Variants in MMS19 observed in about 807,000 individuals in gnomAD.
MMS19 encodes MMS19 nucleotide excision repair protein homolog.
In MMS19, 77 loss-of-function variants were observed where a neutral mutation model predicts 129.8. The ratio of observed to expected loss-of-function variants is 0.59; its 90% CI spans 0.49 to 0.72. MMS19 has a LOEUF of 0.72. Ranked by LOEUF, MMS19 falls within the 30% of genes least tolerant of loss-of-function variation. The pLI is 0.00. For missense variants in MMS19, 1,168 were observed against 1,266.3 expected (o/e 0.92, Z 1.18); for synonymous variants, 491 against 502.8 (o/e 0.98, Z 0.31).
chr10:97,493,099 C>CCT (rs1055632209), intron 1 of MMS19, among the ~76,000 whole-genome samples: 1 of 151,876 alleles, frequency 6.6e-6, no homozygotes, highest in African/African-American at 2.4e-5. Context: ...GTAACCTCTC[C>CCT]CTCCAGGGTT....
chr10:97,462,793 A>G, intron 19 of MMS19, 111 bp from the exon 20 acceptor site: 1 of 793,242 alleles, frequency 1.3e-6, no homozygotes, highest in Admixed American at 2.1e-5. Flanking sequence ...TAGCCACGAC[A>G]GCAGTTCTTA....
chr10:97,465,748 T>TA, intron 18 of MMS19, 57 bp downstream of exon 18: 1 of 1,536,804 alleles, frequency 6.5e-7, no homozygotes, highest in Admixed American at 1.8e-5. Flanking sequence ...ACCACTGCCT[T>TA]AGAGACTACA....
At chr10:97,462,953 C>A in intron 19 of MMS19, 1 of 362,640 alleles carries the variant, frequency 2.8e-6, no homozygotes, top group African/African-American at 2.1e-5. Context: ...GATGAACATT[C>A]TTAACATAAG....
chr10:97,477,008 A>G lies in MMS19; in HGVS notation c.494-45T>C, dbSNP rs768703337. 6.2e-6 allele frequency: 10 copies of G among 1,610,968 alleles called. No homozygotes were observed. In the African/African-American group the frequency reaches 1.2e-4, roughly 19 times the overall value. On this transcript the variant is annotated intron_variant, in intron 6 of 30. Coordinates refer to ENST00000438925, the MANE Select transcript of MMS19 (RefSeq NM_022362.5). ...GTTACTATACTGTCCCACAGCACAG[A>G]AAGTGTGGGCTTTCTCCTAGCCTGT...
At position 97,458,395 on chromosome 10, in the gene MMS19, A is replaced by T. The variant is rs965949437; in HGVS notation, c.*297T>A. The T allele has an allele frequency of 5.0e-6, 2 of 400,336 alleles. No individual in the cohort carries two copies. The highest frequency in any genetic ancestry group is 9.0e-6 in the Non-Finnish European group (2 of 222,990). The allele number at this position is 400,336 out of a possible 1,614,324, so 24.8% of individuals were successfully genotyped here. A position where few individuals can be genotyped will look rare whatever the true frequency, so the allele number is the denominator to read the frequency against. ...AGCCCTGGTCCTCAGGGCCACACTC[A>T]TATGCACTCACCCCTCAGCAGCATA... On this transcript the variant is annotated 3_prime_UTR_variant, in exon 31 of 31. Transcript: ENST00000438925.
intron 18 of MMS19, 107 bp from the exon 19 acceptor site, chr10:97,464,120 A>C (rs544013922): frequency 1.3e-5 from 13 of 1,002,864 alleles, no homozygotes; most frequent in Non-Finnish European, 1.9e-5. Flanking sequence ...GAAGGGACCA[A>C]GAGTGCCTTA....
chr10:97,480,746 T>C, intron 3 of MMS19, 196 bp downstream of exon 3: 1 of 577,976 alleles, frequency 1.7e-6, no homozygotes. Flanking sequence ...GCTAACGTTT[T>C]ATATTGAAAT....
rs753694591 is a variant in MMS19 at position 97,476,846 on chromosome 10, T to A, written c.611A>T (p.Asp204Val). 3 of 1,613,988 alleles carry A rather than the reference T, an allele frequency of 1.9e-6. No homozygotes were observed. Among genetic ancestry groups the A allele is most frequent in the Non-Finnish European group, 2.5e-6 (3 of 1,179,876 alleles). The change falls in exon 7 of 31, where the codon GAC becomes GTC. Residue 204 changes from aspartate (D) to valine (V), a missense_variant. Physicochemically the swap from Asp to Val is radical, Grantham distance 152. Coordinates refer to ENST00000438925, the MANE Select transcript of MMS19 (RefSeq NM_022362.5). ...FRIVHDLISR[D>V]YSLGPFVEEL... ...CTACCACGATATACCCAGGCTATAG[T>A]CCCTGGAGATGAGGTCATGGACGAT...
upstream of MMS19, chr10:97,498,446 A>G: frequency 6.5e-7 from 1 of 1,537,658 alleles, no homozygotes. Flanking sequence ...CTCTCCGCGC[A>G]TGCGCCTCCC....
At chr10:97,474,389 T>TA (rs1009097365) in intron 8 of MMS19, among the ~76,000 whole-genome samples, 11 of 148,420 alleles carry the variant, frequency 7.4e-5, no homozygotes, top group East Asian at 3.9e-4. Flanking sequence ...CTAAAAAATA[T>TA]AAAAAAAAAA....
Position 97,460,700 on chromosome 10 carries a change from C to A in MMS19, c.2464G>T (p.Ala822Ser). 6.3e-7 allele frequency: 1 copy of A among 1,594,038 alleles called. No individual in the cohort carries two copies. Among genetic ancestry groups the A allele is most frequent in the East Asian group, 2.3e-5 (1 of 44,286 alleles). ...RYHPLSSCLT[A>S]RLMGLLSDPE... is the part of the protein sequence containing the mutation. ...TGTCTCCAGAAAGGACGTACCCGGG[C>A]TGTAAGGCAGGAGCTGAGAGGATGG... The change falls in exon 25 of 31, where the codon GCC (alanine) becomes TCC (serine). Residue 822 changes from alanine (A) to serine (S), a missense_variant. Transcript: ENST00000438925.
At chr10:97,481,321 T>C (rs1330014938) in intron 2 of MMS19, among the ~76,000 whole-genome samples, 1 of 152,002 alleles carries the variant, frequency 6.6e-6, no homozygotes, top group Non-Finnish European at 1.5e-5. Context: ...GGTACCCCAG[T>C]TTGGCACCTA....
intron 9 of MMS19, 102 bp from the exon 10 acceptor site, chr10:97,470,305 A>T: frequency 2.5e-6 from 2 of 799,832 alleles, no homozygotes; most frequent in Non-Finnish European, 4.3e-6. Context: ...CAGGTACTAC[A>T]TCAAGGAGCT....
rs147152688 is a variant in MMS19 at position 97,461,719 on chromosome 10, A to T, written c.2185-97T>A. The T allele has an allele frequency of 1.2e-4, 190 of 1,544,508 alleles. No individual in the cohort carries two copies. In the African/African-American group the frequency reaches 2.4e-3, roughly 19 times the overall value. On this transcript the variant is annotated intron_variant, in intron 22 of 30. Coordinates refer to ENST00000438925, the MANE Select transcript of MMS19 (RefSeq NM_022362.5). Reference sequence around the variant, plus strand: ...GCAGGGACCGGGACGGATGAGAACTAACTTCTCTGGTGGGGGAAGTAAAAG... The same window carrying T: ...GCAGGGACCGGGACGGATGAGAACTTACTTCTCTGGTGGGGGAAGTAAAAG...
intron 12 of MMS19, 90 bp from the exon 13 acceptor site, chr10:97,468,496 T>C (rs992495441): frequency 1.5e-6 from 2 of 1,297,546 alleles, no homozygotes; most frequent in Non-Finnish European, 2.1e-6. Flanking sequence ...CTGAGACCCA[T>C]GACAGTTTGC....
intron 12 of MMS19, among the ~76,000 whole-genome samples, chr10:97,468,753 C>G (rs1168985657): frequency 1.3e-5 from 2 of 152,138 alleles, no homozygotes; most frequent in Non-Finnish European, 2.9e-5. Context: ...GGATTACAGG[C>G]GTCCACCACC....
At chr10:97,463,707 ATGAAG>A (rs1420214919) in intron 19 of MMS19, 146 bp downstream of exon 19, 1 of 769,136 alleles carries the variant, frequency 1.3e-6, no homozygotes, top group African/African-American at 1.8e-5. Flanking sequence ...ACCCTTTGCT[ATGAAG>A]TGAAATCTCA....
chr10:97,498,590 G>A (rs1465093896), upstream of MMS19: 15 of 597,728 alleles, frequency 2.5e-5, 1 homozygote, highest in Middle Eastern at 8.6e-4. Context: ...CGGCTGCTGG[G>A]CACGCAGCCG....
intron 19 of MMS19, 122 bp from the exon 20 acceptor site, chr10:97,462,804 A>G (rs538345679): frequency 1.3e-5 from 10 of 742,630 alleles, no homozygotes; most frequent in African/African-American, 8.6e-5. Flanking sequence ...GCAGTTCTTA[A>G]TCTGGTCTCT....
Sources: allele counts gnomAD v4.1 joint callset (sites outside exome capture counted in the v4.1 genomes callset), GRCh38; gene constraint gnomAD v4.1.1; transcripts MANE v1.5; gene names NCBI Gene and HGNC (gene_info 2026-07-23, HGNC 2026-07-21).